SCFD1: variants seen among roughly 807,000 people sequenced by gnomAD.
SCFD1 encodes the protein sec1 family domain-containing protein 1.
Under a neutral mutation model 103.2 loss-of-function variants are expected in SCFD1, and 37 were observed. The observed-to-expected ratio is 0.36, with a 90% CI of 0.28 to 0.47. SCFD1 has a LOEUF of 0.47. Among genes scored for constraint, SCFD1 ranks in the 20% least tolerant of loss-of-function variants. The pLI is 1.00. For missense variants in SCFD1, 639 were observed against 761.2 expected, an observed-to-expected ratio of 0.84 and a Z score of 1.89; for synonymous variants, 264 against 245.0, an observed-to-expected ratio of 1.08 and a Z score of -0.73.
In SCFD1 at chr14:30,673,964, C is replaced by T; in HGVS notation, c.1127C>T (p.Ser376Phe). ...GATGAAGGAGCCATAAGTATGCTTT[C>T]TGACAATACCGCTAAGCTAACATCA... ...GEDEGAISML[S>F]DNTAKLTSAV... Residue 376 changes from serine to phenylalanine, a missense_variant, in exon 13 of 25, where the codon TCT (serine) becomes TTT (phenylalanine). Physicochemically the swap from Ser to Phe is radical, Grantham distance 155. Transcript: ENST00000458591. 6.2e-7 allele frequency: 1 copy of T among 1,613,732 alleles called. No homozygotes were observed. Among genetic ancestry groups the T allele is most frequent in the Non-Finnish European group, 8.5e-7 (1 of 1,179,810 alleles).
At chr14:30,730,175 A>G (rs567070881) in intron 23 of SCFD1, among the ~76,000 whole-genome samples, 2 of 152,336 alleles carry the variant, frequency 1.3e-5, no homozygotes, top group East Asian at 3.9e-4. Flanking sequence ...ATGTCCCTAC[A>G]AATGACATGA....
intron 17 of SCFD1, among the ~76,000 whole-genome samples, chr14:30,703,751 G>C (rs1366441820): frequency 6.7e-6 from 1 of 148,986 alleles, no homozygotes; most frequent in Admixed American, 6.7e-5. Context: ...CTGTGTTCTT[G>C]TAATAAGAAA....
intron 14 of SCFD1, among the ~76,000 whole-genome samples, chr14:30,684,228 G>T (rs1210856420): frequency 6.6e-6 from 1 of 152,170 alleles, no homozygotes; most frequent in Non-Finnish European, 1.5e-5. Context: ...CCAGGCTGCT[G>T]TTGAACTCCT....
rs772519450 is a variant in SCFD1 at position 30,702,320 on chromosome 14, G to A, written c.1435G>A (p.Ala479Thr). The change falls in exon 17 of 25, where the codon GCT becomes ACT. Residue 479 changes from alanine (A) to threonine (T), a missense_variant. Physicochemically the swap from Ala to Thr is moderately conservative, Grantham distance 58 (BLOSUM62 0). Transcript: ENST00000458591. ...GGCTGATTTGGAGCAATATAAAAAA[G>A]CTTTAACTGATGCAGGATGCAACCT... Reference protein sequence around the residue: ...SEADLEQYKKALTDAGCNLNP... With the variant: ...SEADLEQYKKTLTDAGCNLNP... The A allele has an allele frequency of 6.2e-7, 1 of 1,600,114 alleles. No individual in the cohort carries two copies. The highest frequency in any genetic ancestry group is 8.5e-7 in the Non-Finnish European group (1 of 1,173,176).
At chr14:30,669,226 T>C (rs1888308629) in intron 10 of SCFD1, among the ~76,000 whole-genome samples, 1 of 152,104 alleles carries the variant, frequency 6.6e-6, no homozygotes, top group Non-Finnish European at 1.5e-5. Flanking sequence ...GCATTCAGTA[T>C]ATTTAATTTG....
chr14:30,686,320 TTAAAG>T, intron 14 of SCFD1, among the ~76,000 whole-genome samples: 2 of 4,354 alleles, frequency 4.6e-4, no homozygotes, highest in African/African-American at 4.2e-3. Flanking sequence ...CATATGAACT[TTAAAG>T]TAGTTTTTTC....
chr14:30,679,241 T>G (rs758405246), intron 14 of SCFD1, among the ~76,000 whole-genome samples: 10 of 150,694 alleles, frequency 6.6e-5, no homozygotes, highest in Non-Finnish European at 1.3e-4. Flanking sequence ...TTTTTTTTTT[T>G]GCTTACTAAT....
rs141013817 is a variant in SCFD1 at position 30,636,872 on chromosome 14, G to A, written c.313-1253G>A. On this transcript the variant is annotated intron_variant, in intron 4 of 24. Coordinates refer to ENST00000458591, the MANE Select transcript of SCFD1 (RefSeq NM_016106.4). ...CAATTGATTTTTATGTATTTATCTT[G>A]TATCCTGCAACCTTGCTGAACTTAT... 9.7e-4 allele frequency among the ~76,000 whole-genome samples: 147 copies of A among 151,866 alleles called. 3 individuals carry two copies. In the East Asian group the frequency reaches 0.026, roughly 27 times the overall value.
At chr14:30,666,262 C>T (rs1887958203) in intron 10 of SCFD1, among the ~76,000 whole-genome samples, 3 of 152,270 alleles carry the variant, frequency 2.0e-5, no homozygotes, top group African/African-American at 7.2e-5. Flanking sequence ...TACTCAAAAC[C>T]GCACAACTAC....
At chr14:30,680,214 T>G (rs1038050781) in intron 14 of SCFD1, among the ~76,000 whole-genome samples, 2 of 152,184 alleles carry the variant, frequency 1.3e-5, no homozygotes, top group African/African-American at 4.8e-5. Flanking sequence ...AATAGGTTCA[T>G]AAAGATTAAA....
intron 14 of SCFD1, among the ~76,000 whole-genome samples, chr14:30,691,137 C>A (rs1890269341): frequency 6.6e-6 from 1 of 152,152 alleles, no homozygotes; most frequent in Admixed American, 6.5e-5. Flanking sequence ...TAGAGTATGA[C>A]CTGTATTTGG....
rs1242256025 is a variant in SCFD1 at position 30,673,279 on chromosome 14, T to C, written c.1018T>C (p.Ser340Pro). 1 of 1,594,452 alleles carries C rather than the reference T, an allele frequency of 6.3e-7. No individual in the cohort carries two copies. The highest frequency in any genetic ancestry group is 8.6e-7 in the Non-Finnish European group (1 of 1,168,328). Reference sequence around the variant, plus strand: ...TAGTCCATTCCCAGAAGTTGCAGAATCAGTTCAGCAAGAACTAGAATCTTA... The same window carrying C: ...TAGTCCATTCCCAGAAGTTGCAGAACCAGTTCAGCAAGAACTAGAATCTTA... ...KGSPFPEVAE[S>P]VQQELESYRA... The change falls in exon 12 of 25, where the codon TCA becomes CCA. Residue 340 changes from serine (S) to proline (P), a missense_variant. Physicochemically the swap from Ser to Pro is moderately conservative, Grantham distance 74. Coordinates refer to ENST00000458591, the MANE Select transcript of SCFD1 (RefSeq NM_016106.4).
chr14:30,692,130 C>T (rs972375534), intron 14 of SCFD1, among the ~76,000 whole-genome samples: 9 of 151,876 alleles, frequency 5.9e-5, no homozygotes, highest in Non-Finnish European at 1.2e-4. Context: ...AGATTCTTTA[C>T]GTTTTCCACT....
intron 14 of SCFD1, among the ~76,000 whole-genome samples, chr14:30,694,169 C>A (rs923686042): frequency 1.3e-5 from 2 of 152,080 alleles, no homozygotes; most frequent in Non-Finnish European, 2.9e-5. Flanking sequence ...ACTTGACCAC[C>A]TGACATGAAT....
At chr14:30,709,236 T>C (rs1476612598) in intron 19 of SCFD1, among the ~76,000 whole-genome samples, 2 of 152,220 alleles carry the variant, frequency 1.3e-5, no homozygotes, top group African/African-American at 2.4e-5. Flanking sequence ...TTCTTTCTTA[T>C]AATGTTTGCT....
chr14:30,643,553 A>T (rs1885504955), intron 7 of SCFD1, 148 bp downstream of exon 7: 1 of 609,218 alleles, frequency 1.6e-6, no homozygotes, highest in Non-Finnish European at 2.9e-6. Context: ...AATAGTATAT[A>T]AAAACAATTC....
At chr14:30,667,465 A>G (rs1340290925) in intron 10 of SCFD1, among the ~76,000 whole-genome samples, 1 of 152,178 alleles carries the variant, frequency 6.6e-6, no homozygotes, top group Non-Finnish European at 1.5e-5. Context: ...AATGGGCAAA[A>G]ACTGGAAGCA....
At chr14:30,660,971 T>C (rs1233480403) in intron 10 of SCFD1, among the ~76,000 whole-genome samples, 1 of 152,186 alleles carries the variant, frequency 6.6e-6, no homozygotes, top group African/African-American at 2.4e-5. Flanking sequence ...AAAAAGCCTC[T>C]GGTTCCTTTG....
At chr14:30,723,748 A>C (rs947649239) in intron 23 of SCFD1, among the ~76,000 whole-genome samples, 1 of 152,204 alleles carries the variant, frequency 6.6e-6, no homozygotes, top group Non-Finnish European at 1.5e-5. Context: ...TTATGCCTGC[A>C]TGGTATTCCA....
Sources: allele counts gnomAD v4.1 joint callset (sites outside exome capture counted in the v4.1 genomes callset), GRCh38; gene constraint gnomAD v4.1.1; transcripts MANE v1.5; gene names NCBI Gene and HGNC (gene_info 2026-07-23, HGNC 2026-07-21).